Variants in UNC45B observed in about 807,000 individuals in gnomAD.
The protein encoded by UNC45B is unc-45 myosin chaperone B.
Under a neutral mutation model 98.7 loss-of-function variants are expected in UNC45B, and 78 were observed. The ratio of observed to expected loss-of-function variants is 0.79; its 90% CI spans 0.66 to 0.95. The LOEUF is 0.95. Among genes scored for constraint, UNC45B ranks in the 40% least tolerant of loss-of-function variants. UNC45B has a pLI of 0.00. For synonymous variants in UNC45B, 462 were observed against 480.4 expected, an observed-to-expected ratio of 0.96 and a Z score of 0.50; for missense variants, 1,225 against 1,184.9, an observed-to-expected ratio of 1.03 and a Z score of -0.50.
chr17:35,151,773 G>T (rs1306388716), intron 4 of UNC45B, among the ~76,000 whole-genome samples: 1 of 152,178 alleles, frequency 6.6e-6, no homozygotes, highest in Non-Finnish European at 1.5e-5. Flanking sequence ...AGAGGGATAG[G>T]CGAAGGAAAG....
chr17:35,174,494 C>G, intron 14 of UNC45B, 125 bp downstream of exon 14: 1 of 1,379,534 alleles, frequency 7.2e-7, no homozygotes, highest in African/African-American at 1.4e-5. Flanking sequence ...ATTGGGAAAG[C>G]CTGGAGAAAG....
At chr17:35,185,748 G>T (rs1266361537) in intron 19 of UNC45B, among the ~76,000 whole-genome samples, 2 of 152,142 alleles carry the variant, frequency 1.3e-5, no homozygotes, top group African/African-American at 4.8e-5. Flanking sequence ...AGGTATAGAA[G>T]ATGACCCTGA....
intron 17 of UNC45B, 79 bp from the exon 18 acceptor site, chr17:35,180,479 TG>T (rs2092265927): frequency 2.8e-6 from 3 of 1,076,260 alleles, no homozygotes; most frequent in Non-Finnish European, 4.2e-6. Context: ...AATGGAAGAA[TG>T]GTCCCTGGGT....
intron 19 of UNC45B, 61 bp from the exon 20 acceptor site, chr17:35,186,238 A>G (rs1041683645): frequency 6.3e-7 from 1 of 1,586,572 alleles, no homozygotes; most frequent in African/African-American, 1.3e-5. Context: ...CATTTCCAAC[A>G]CATGAACTCT....
At chr17:35,185,184 C>G (rs2092296370) in intron 19 of UNC45B, among the ~76,000 whole-genome samples, 1 of 152,182 alleles carries the variant, frequency 6.6e-6, no homozygotes, top group South Asian at 2.1e-4. Flanking sequence ...TTTTCTTCCC[C>G]CCGTGTCTGT....
chr17:35,174,232 A>T lies in UNC45B; in HGVS notation c.1831-10A>T. 6.2e-7 allele frequency: 1 copy of T among 1,614,092 alleles called. No individual in the cohort carries two copies. The highest frequency in any genetic ancestry group is 8.5e-7 in the Non-Finnish European group (1 of 1,179,974). On this transcript the variant is annotated splice_polypyrimidine_tract_variant and intron_variant, in intron 13 of 19. Coordinates refer to ENST00000394570, the MANE Select transcript of UNC45B (RefSeq NM_001267052.2). The stretch of plus-strand genomic sequence containing the variant: ...GACCCTCCCACATTGCCATCTTTTC[A>T]TCTCCTCAGGACAAGAAGGACTTTA...
chr17:35,152,305 C>T (rs2092025808), intron 4 of UNC45B, among the ~76,000 whole-genome samples: 1 of 151,964 alleles, frequency 6.6e-6, no homozygotes, highest in Non-Finnish European at 1.5e-5. Context: ...AGTGTGGACC[C>T]CCCCAAACAA....
rs867823944 is a variant in UNC45B, at chr17:35,177,554, G to C, written c.2199G>C (p.Gln733His). 2 of 1,564,958 alleles carry C rather than the reference G, an allele frequency of 1.3e-6. No individual in the cohort carries two copies. The highest frequency in any genetic ancestry group is 3.8e-5 in the Admixed American group (2 of 53,296). The change falls in exon 17 of 20, where the codon CAG becomes CAC. Residue 733 changes from glutamine (Q) to histidine (H), a missense_variant. Transcript: ENST00000394570. ...RLLDTQRDGL[Q>H]NYEALLGLTN... ...TGGACACACAGAGGGATGGGCTTCA[G>C]AACTATGAGGCTCTCCTAGGCCTCA...
intron 14 of UNC45B, among the ~76,000 whole-genome samples, chr17:35,175,763 C>G (rs2092228098): frequency 6.6e-6 from 1 of 152,162 alleles, no homozygotes; most frequent in South Asian, 2.1e-4. Context: ...CTCACTTGGC[C>G]TCACTTCCTT....
chr17:35,149,451 C>T (rs1470655614), intron 3 of UNC45B, among the ~76,000 whole-genome samples: 1 of 152,100 alleles, frequency 6.6e-6, no homozygotes. Context: ...GAGTCTTGCT[C>T]TGTTGCCCAG....
intron 13 of UNC45B, among the ~76,000 whole-genome samples, 169 bp downstream of exon 13, chr17:35,171,631 G>A (rs1216630797): frequency 6.6e-6 from 1 of 152,158 alleles, no homozygotes; most frequent in East Asian, 1.9e-4. Flanking sequence ...CCACCAGATG[G>A]TGCTCATGCT....
In UNC45B at chr17:35,150,218, GAGA is replaced by G. The variant is rs2092007489; in HGVS notation, c.379_381del (p.Lys127del). The G allele has an allele frequency of 1.2e-6, 2 of 1,608,728 alleles. No individual in the cohort carries two copies. Among genetic ancestry groups the G allele is most frequent in the Non-Finnish European group, 1.7e-6 (2 of 1,177,342 alleles). Reference sequence around the variant, plus strand: ...GAGGAGACTCAACACCAGCATTCAGGAGAAGGTGAGCTGGGCCTCTTCCCACAA... The same window carrying G: ...GAGGAGACTCAACACCAGCATTCAGGAGGTGAGCTGGGCCTCTTCCCACAA... On this transcript the variant is annotated inframe_deletion and splice_region_variant, in exon 4 of 20. Coordinates refer to ENST00000394570, the MANE Select transcript of UNC45B (RefSeq NM_001267052.2).
intron 17 of UNC45B, among the ~76,000 whole-genome samples, chr17:35,178,412 A>C (rs993017693): frequency 6.6e-6 from 1 of 151,930 alleles, no homozygotes; most frequent in East Asian, 1.9e-4. Flanking sequence ...AAATTTGTTT[A>C]AGTTCTTTGT....
Position 35,154,638 on chromosome 17 carries a change from AT to A in UNC45B, c.537del (p.Asn179LysfsTer3). On this transcript the variant is annotated frameshift_variant, in exon 6 of 20. Coordinates refer to ENST00000394570, the MANE Select transcript of UNC45B (RefSeq NM_001267052.2). LOFTEE classifies it high-confidence loss of function. ...GGGGCTGAGAAGATCTTCCAGAACAATGGAGTAGCCTTGCTACTGCAGCTTC... is the reference window on the plus strand; with the variant it reads ...GGGGCTGAGAAGATCTTCCAGAACAAGGAGTAGCCTTGCTACTGCAGCTTC... ...EAGAEKIFQN[N>X]GVALLLQLLD... is the part of the protein sequence containing the mutation. 2 of 1,613,638 alleles carry A rather than the reference AT, an allele frequency of 1.2e-6. No individual in the cohort carries two copies. Among genetic ancestry groups the A allele is most frequent in the Non-Finnish European group, 1.7e-6 (2 of 1,179,864 alleles).
chr17:35,163,976 GC>G lies in UNC45B; in HGVS notation c.980-17del, dbSNP rs768722725. ...GGAGCCCAGCAGGAATCTTAGGCTT[GC>G]CACTGTCTACCCTGCAGGTCTGAGG... On this transcript the variant is annotated intron_variant, in intron 8 of 19. Coordinates refer to ENST00000394570, the MANE Select transcript of UNC45B (RefSeq NM_001267052.2). 1.1e-5 allele frequency: 18 copies of G among 1,592,188 alleles called. No homozygotes were observed. The highest frequency in any genetic ancestry group is 1.7e-4 in the Middle Eastern group (1 of 5,922).
chr17:35,177,153 T>C (rs1474045874), intron 16 of UNC45B, 23 bp downstream of exon 16: 2 of 1,601,886 alleles, frequency 1.2e-6, no homozygotes, highest in Admixed American at 1.7e-5. Context: ...GTAGATGGGA[T>C]AGGGCAATGG....
chr17:35,178,731 G>A (rs145851291), intron 17 of UNC45B, among the ~76,000 whole-genome samples: 5,363 of 152,186 alleles, frequency 0.035, 340 homozygotes, highest in African/African-American at 0.12. Context: ...TGTAAGGAAG[G>A]GATCCAGTTT....
chr17:35,180,268 G>C (rs529885619), intron 17 of UNC45B, among the ~76,000 whole-genome samples: 80 of 151,970 alleles, frequency 5.3e-4, no homozygotes, highest in African/African-American at 1.9e-3. Context: ...GAGAGAGAGA[G>C]AGAGAGAGAG....
In UNC45B at chr17:35,180,587, C is replaced by A; in HGVS notation, c.2284C>A (p.Pro762Thr). Residue 762 changes from proline (P) to threonine (T), a missense_variant, in exon 18 of 20, where the codon CCA (proline) becomes ACA (threonine). By Grantham distance (38) the Pro-to-Thr change is conservative. Coordinates refer to ENST00000394570, the MANE Select transcript of UNC45B (RefSeq NM_001267052.2). ...GAAGATCTTTAAGGAGAGGGCCTTG[C>A]CAGACATCGAGAACTACATGTTTGA... ...RQKIFKERAL[P>T]DIENYMFENH... 1 of 1,613,888 alleles carries A rather than the reference C, an allele frequency of 6.2e-7. No homozygotes were observed. The highest frequency in any genetic ancestry group is 8.5e-7 in the Non-Finnish European group (1 of 1,179,898).
Sources: allele counts gnomAD v4.1 joint callset (sites outside exome capture counted in the v4.1 genomes callset), GRCh38; gene constraint gnomAD v4.1.1; transcripts MANE v1.5; gene names NCBI Gene and HGNC (gene_info 2026-07-23, HGNC 2026-07-21).